TRIP12: variants seen among roughly 807,000 people sequenced by gnomAD.
TRIP12 encodes the protein thyroid hormone receptor interactor 12, also known as E3 ubiquitin-protein ligase TRIP12.
TRIP12 carries 25 observed loss-of-function variants against 244.2 expected under a neutral mutation model. The observed-to-expected ratio is 0.10, with a 90% CI of 0.07 to 0.14. The LOEUF is 0.14. TRIP12 is among the 10% of genes least tolerant of loss of function. TRIP12 has a pLI of 1.00. For synonymous variants in TRIP12, 905 were observed against 873.1 expected (o/e 1.04, Z -0.64); for missense variants, 1,677 against 2,486.4 (o/e 0.67, Z 6.92).
chr2:229,854,418 A>G lies in TRIP12; in HGVS notation c.1027+4354T>C, dbSNP rs189280365. Among the ~76,000 whole-genome samples the G allele has an allele frequency of 4.6e-5, 7 of 152,342 alleles. No individual in the cohort carries two copies. In the East Asian group the frequency reaches 7.7e-4, roughly 17 times the overall value. ...CTTTGAATATGTTTTCTGCCTTAAG[A>G]TATTCACTTTCAGTTGTACACCCTA... is the stretch of plus-strand genomic sequence containing the variant. On this transcript the variant is annotated intron_variant, in intron 4 of 41. Transcript: ENST00000675903.
At chr2:229,866,350 T>C (rs908265478) in intron 2 of TRIP12, among the ~76,000 whole-genome samples, 1 of 152,234 alleles carries the variant, frequency 6.6e-6, no homozygotes, top group Non-Finnish European at 1.5e-5. Context: ...AACTGTCACA[T>C]TCAGTGACTC....
At chr2:229,839,965 C>T (rs1010561419) in intron 5 of TRIP12, among the ~76,000 whole-genome samples, 3 of 152,162 alleles carry the variant, frequency 2.0e-5, no homozygotes, top group Admixed American at 1.3e-4. Flanking sequence ...AATAACTACA[C>T]CTTTTCTTGA....
chr2:229,779,051 A>C (rs899626353), intron 34 of TRIP12, 61 bp from the exon 35 acceptor site: 34 of 1,385,758 alleles, frequency 2.5e-5, no homozygotes, highest in Non-Finnish European at 3.3e-5. Context: ...TTTACTGCCA[A>C]CCTCTTGGAA....
chr2:229,922,974 A>G (rs1232186764), upstream of TRIP12, among the ~76,000 whole-genome samples: 2 of 152,202 alleles, frequency 1.3e-5, no homozygotes, highest in Non-Finnish European at 2.9e-5. Flanking sequence ...AGAACGACTC[A>G]GCCAAGTGTC....
At chr2:229,881,796 T>C (rs2064939872) in intron 1 of TRIP12, among the ~76,000 whole-genome samples, 1 of 152,236 alleles carries the variant, frequency 6.6e-6, no homozygotes, top group Non-Finnish European at 1.5e-5. Context: ...GACTTGTATA[T>C]AAGTTTCTGT....
At chr2:229,812,530 G>A (rs2047523539) in intron 13 of TRIP12, among the ~76,000 whole-genome samples, 1 of 152,122 alleles carries the variant, frequency 6.6e-6, no homozygotes, top group Admixed American at 6.5e-5. Context: ...ATTTGGTCGG[G>A]TGCCATGGCT....
At chr2:229,770,690 G>T (rs1458005271) in intron 39 of TRIP12, among the ~76,000 whole-genome samples, 1 of 152,274 alleles carries the variant, frequency 6.6e-6, no homozygotes, top group African/African-American at 2.4e-5. Flanking sequence ...ATCTTGAACT[G>T]TAACTCCCAC....
intron 4 of TRIP12, among the ~76,000 whole-genome samples, chr2:229,848,173 C>T (rs929229576): frequency 6.6e-6 from 1 of 152,120 alleles, no homozygotes; most frequent in Admixed American, 6.5e-5. Flanking sequence ...CTCGGTCAAA[C>T]CTCCCTTATG....
rs1434091957 is a variant in TRIP12 at position 229,810,994 on chromosome 2, G to A, written c.2107C>T (p.Leu703=). ...AAAATGGGTGGAGTCACTACCAACA[G>A]CTGTTGAACATTTGTAAGCAGATCT... The part of the protein sequence containing the change: ...SKDLLTNVQQ[L]LVVTPPILSS... The change falls in exon 15 of 42, where the codon CTG becomes TTG. Residue 703 remains leucine (L), a synonymous_variant. Coordinates refer to ENST00000675903, the MANE Select transcript of TRIP12 (RefSeq NM_001348323.3). The A allele has an allele frequency of 6.2e-7, 1 of 1,614,084 alleles. No homozygotes were observed. The highest frequency in any genetic ancestry group is 1.1e-5 in the South Asian group (1 of 91,072).
At chr2:229,842,219 T>G (rs1302522132) in intron 4 of TRIP12, among the ~76,000 whole-genome samples, 1 of 152,218 alleles carries the variant, frequency 6.6e-6, no homozygotes, top group Non-Finnish European at 1.5e-5. Flanking sequence ...ATGATTGGCT[T>G]AAGAGTTTCT....
intron 34 of TRIP12, among the ~76,000 whole-genome samples, chr2:229,782,763 A>T (rs185706966): frequency 5.9e-5 from 9 of 152,336 alleles, no homozygotes; most frequent in Admixed American, 5.2e-4. Flanking sequence ...CTAAACTGCT[A>T]AATCTATGAT....
chr2:229,918,550 A>C (rs543293422), intron 1 of TRIP12, among the ~76,000 whole-genome samples: 101 of 152,318 alleles, frequency 6.6e-4, no homozygotes, highest in African/African-American at 2.4e-3. Context: ...TTTGTCAATA[A>C]AAAACGTAAA....
At chr2:229,868,008 G>A (rs999967236) in intron 2 of TRIP12, among the ~76,000 whole-genome samples, 5 of 152,142 alleles carry the variant, frequency 3.3e-5, no homozygotes, top group Admixed American at 2.6e-4. Context: ...TGCCATTGTT[G>A]AATACAGCAC....
intron 31 of TRIP12, 22 bp downstream of exon 31, chr2:229,789,589 A>G: frequency 1.2e-6 from 2 of 1,604,826 alleles, no homozygotes; most frequent in South Asian, 1.1e-5. Context: ...TGAAAACTTC[A>G]TAAATAGGCA....
At chr2:229,828,568 T>G (rs1379369864) in intron 8 of TRIP12, among the ~76,000 whole-genome samples, 13 of 151,962 alleles carry the variant, frequency 8.6e-5, no homozygotes, top group Middle Eastern at 3.4e-3. Flanking sequence ...GGTCAGGAGA[T>G]CGAGATCAGC....
At chr2:229,786,490 CT>C (rs777100559) in intron 33 of TRIP12, among the ~76,000 whole-genome samples, 20 of 150,970 alleles carry the variant, frequency 1.3e-4, no homozygotes, top group Non-Finnish European at 2.8e-4. Flanking sequence ...CTCCAACTCC[CT>C]GGTTTAAGTG....
At chr2:229,826,751 T>G (rs1353460362) in intron 8 of TRIP12, among the ~76,000 whole-genome samples, 3 of 152,168 alleles carry the variant, frequency 2.0e-5, no homozygotes, top group Non-Finnish European at 4.4e-5. Flanking sequence ...AATGCGTATT[T>G]GTATATGTTA....
intron 1 of TRIP12, among the ~76,000 whole-genome samples, chr2:229,903,510 A>T (rs968331480): frequency 1.3e-5 from 2 of 152,024 alleles, no homozygotes; most frequent in African/African-American, 4.8e-5. Flanking sequence ...AGCAAGTAGA[A>T]GGCAAGAAAA....
At position 229,854,948 on chromosome 2, in the gene TRIP12, G is replaced by A. The variant is rs544942896; in HGVS notation, c.1027+3824C>T. Among the ~76,000 whole-genome samples the A allele has an allele frequency of 7.9e-5, 12 of 152,194 alleles. No homozygotes were observed. The South Asian group carries it at 1.5e-3, about 18-fold the overall frequency. ...ACTAATGATCCAAAGCTTCCTAACC[G>A]GTAAACTGGGAATAAAAATACTTGC... On this transcript the variant is annotated intron_variant, in intron 4 of 41. Transcript: ENST00000675903.
Sources: allele counts gnomAD v4.1 joint callset (sites outside exome capture counted in the v4.1 genomes callset), GRCh38; gene constraint gnomAD v4.1.1; transcripts MANE v1.5; gene names NCBI Gene and HGNC (gene_info 2026-07-23, HGNC 2026-07-21).